Variants in RAD17 observed in about 807,000 individuals in gnomAD.
RAD17 encodes the protein cell cycle checkpoint protein RAD17.
Under a neutral mutation model 81.5 loss-of-function variants are expected in RAD17, and 31 were observed. That is an observed-to-expected ratio of 0.38 (90% CI 0.29 to 0.51). The LOEUF is 0.51. RAD17 is among the 20% of genes least tolerant of loss of function. The probability of loss-of-function intolerance (pLI) is 0.88; values close to 1 mark genes in which losing one functional copy is unlikely to be tolerated. For synonymous variants in RAD17, 261 were observed against 266.2 expected (o/e 0.98, Z 0.19); for missense variants, 681 against 781.2 (o/e 0.87, Z 1.53).
rs770354493 is a variant in RAD17, at chr5:69,393,159, A to T, written c.1194A>T (p.Ala398=). The change falls in exon 14 of 19, where the codon GCA becomes GCT. Residue 398 remains alanine (A), a synonymous_variant. Transcript: ENST00000354868. Reference sequence around the variant, plus strand: ...AATTCCAGAAATTTTTTATAGGAGCATCTTTAACAGAATTAGACTCACCTC... The same window carrying T: ...AATTCCAGAAATTTTTTATAGGAGCTTCTTTAACAGAATTAGACTCACCTC... ...ALGKILYCKR[A]SLTELDSPRL... The T allele has an allele frequency of 6.3e-6, 10 of 1,596,954 alleles. No homozygotes were observed. The highest frequency in any genetic ancestry group is 6.8e-6 in the Non-Finnish European group (8 of 1,168,426).
chr5:69,369,828 G>C lies in RAD17; in HGVS notation c.-522G>C. On this transcript the variant is annotated 5_prime_UTR_variant, in exon 1 of 19. Transcript: ENST00000354868. The stretch of plus-strand genomic sequence containing the variant: ...GGTCCCCGGGAGGCCGTACCTCCGA[G>C]AGGCTCGGCGTTGAGCCCGGGTAGG... The C allele has an allele frequency of 3.0e-6, 3 of 994,116 alleles. No homozygotes were observed. Among genetic ancestry groups the C allele is most frequent in the South Asian group, 1.6e-5 (1 of 64,476 alleles). 61.6% of individuals were successfully genotyped at this position (994,116 alleles called of 1,614,324 possible). A position where few individuals can be genotyped will look rare whatever the true frequency, so the allele number is the denominator to read the frequency against.
intron 7 of RAD17, among the ~76,000 whole-genome samples, chr5:69,382,372 G>C (rs1305052995): frequency 6.6e-6 from 1 of 152,182 alleles, no homozygotes; most frequent in Non-Finnish European, 1.5e-5. Context: ...TTGAGCCCAT[G>C]AGTTCAAGGT....
At chr5:69,397,976 G>T (rs1765003189) in intron 16 of RAD17, among the ~76,000 whole-genome samples, 1 of 152,216 alleles carries the variant, frequency 6.6e-6, no homozygotes, top group South Asian at 2.1e-4. Context: ...ACTTAGCCGG[G>T]TGTGGCGGCG....
intron 4 of RAD17, among the ~76,000 whole-genome samples, chr5:69,372,949 AG>A (rs1194225051): frequency 1.3e-5 from 2 of 152,158 alleles, no homozygotes; most frequent in Non-Finnish European, 2.9e-5. Flanking sequence ...CCCTCTGGAA[AG>A]CCTGCCTCAA....
intron 6 of RAD17, among the ~76,000 whole-genome samples, chr5:69,379,502 A>C (rs895354558): frequency 2.0e-5 from 3 of 152,172 alleles, no homozygotes; most frequent in Non-Finnish European, 4.4e-5. Context: ...TGTAAAGGCC[A>C]TGTGAAGGAC....
chr5:69,369,612 C>T (rs1170957384), upstream of RAD17: 1 of 1,578,328 alleles, frequency 6.3e-7, no homozygotes, highest in South Asian at 1.1e-5. Context: ...CCCACCGCGG[C>T]GCCCCTAGCC....
intron 16 of RAD17, among the ~76,000 whole-genome samples, chr5:69,397,888 C>T (rs1004709324): frequency 6.6e-5 from 10 of 152,056 alleles, no homozygotes; most frequent in Non-Finnish European, 1.2e-4. Context: ...GAGGCTGAGG[C>T]GGGCAGATCA....
At chr5:69,383,684 A>G (rs1237066035) in intron 7 of RAD17, among the ~76,000 whole-genome samples, 1 of 151,966 alleles carries the variant, frequency 6.6e-6, no homozygotes, top group Non-Finnish European at 1.5e-5. Context: ...CCGGCCCATT[A>G]TTATTATCAT....
At chr5:69,387,551 A>G (rs1024186465) in intron 11 of RAD17, among the ~76,000 whole-genome samples, 5 of 152,162 alleles carry the variant, frequency 3.3e-5, no homozygotes, top group African/African-American at 9.7e-5. Context: ...TTATTATGCT[A>G]TTAGTGTTTT....
chr5:69,394,072 C>T (rs1328692773), intron 15 of RAD17, among the ~76,000 whole-genome samples: 84 of 121,654 alleles, frequency 6.9e-4, no homozygotes, highest in Admixed American at 1.2e-3. Context: ...TTTTTTTTTT[C>T]GAGACAGCGT....
chr5:69,376,297 C>T (rs1001724520), intron 6 of RAD17, among the ~76,000 whole-genome samples: 3 of 152,170 alleles, frequency 2.0e-5, no homozygotes, highest in Admixed American at 2.0e-4. Context: ...CAATCCTTGC[C>T]TGAATCACTT....
intron 16 of RAD17, among the ~76,000 whole-genome samples, chr5:69,397,521 T>C (rs555089319): frequency 6.6e-6 from 1 of 152,138 alleles, no homozygotes; most frequent in African/African-American, 2.4e-5. Context: ...CCCAGCACTG[T>C]GGAAGGCCAA....
chr5:69,396,733 A>G (rs1046678782), intron 16 of RAD17, among the ~76,000 whole-genome samples, 187 bp downstream of exon 16: 7 of 152,204 alleles, frequency 4.6e-5, no homozygotes, highest in Admixed American at 6.5e-5. Context: ...TGACTCTTAA[A>G]TGCTTGTACA....
upstream of RAD17, chr5:69,369,473 G>A (rs1161101878): frequency 4.3e-6 from 7 of 1,611,208 alleles, no homozygotes; most frequent in Non-Finnish European, 5.1e-6. Context: ...CGGTGAGCAG[G>A]ATGTTCGGAA....
At chr5:69,396,855 GGAGT>G (rs1172548730) in intron 16 of RAD17, among the ~76,000 whole-genome samples, 1 of 151,836 alleles carries the variant, frequency 6.6e-6, no homozygotes, top group Non-Finnish European at 1.5e-5. Context: ...TTTTTGAGAC[GGAGT>G]TTCGCTCTTT....
chr5:69,403,392 C>T (rs1427829793), intron 17 of RAD17, among the ~76,000 whole-genome samples: 1 of 151,802 alleles, frequency 6.6e-6, no homozygotes, highest in African/African-American at 2.4e-5. Flanking sequence ...GCAGAAATAC[C>T]ACAGAAGTGA....
At chr5:69,369,719 T>G (rs1302888362), upstream of RAD17, 1 of 1,550,670 alleles carries the variant, frequency 6.4e-7, no homozygotes. Flanking sequence ...GGGTCGGTAC[T>G]TCGGGTCAGG....
chr5:69,385,184 T>A (rs1412324424), intron 8 of RAD17, among the ~76,000 whole-genome samples: 2 of 151,412 alleles, frequency 1.3e-5, no homozygotes, highest in Non-Finnish European at 2.9e-5. Context: ...ATGGTCTCGA[T>A]CTCCTGACCT....
intron 17 of RAD17, among the ~76,000 whole-genome samples, chr5:69,405,835 G>GT (rs1346650901): frequency 6.6e-6 from 1 of 152,062 alleles, no homozygotes; most frequent in Non-Finnish European, 1.5e-5. Flanking sequence ...GAGGCCAGGA[G>GT]TTTGAGACCA....
Sources: gnomAD v4.1 joint callset for allele counts (sites outside exome capture counted in the v4.1 genomes callset) on GRCh38, gnomAD v4.1.1 for gene constraint, MANE v1.5 for transcripts, NCBI Gene and HGNC (gene_info 2026-07-23, HGNC 2026-07-21) for gene names.